CACNA1E: variants seen among roughly 807,000 people sequenced by gnomAD.
CACNA1E encodes voltage-dependent R-type calcium channel subunit alpha-1E.
Under a neutral mutation model 259.2 loss-of-function variants are expected in CACNA1E, and 40 were observed. The observed-to-expected ratio is 0.15, with a 90% confidence interval of 0.12 to 0.20. CACNA1E has a LOEUF of 0.20. Among genes scored for constraint, CACNA1E ranks in the 10% least tolerant of loss-of-function variants. CACNA1E has a pLI of 1.00. For missense variants in CACNA1E, 1,874 were observed against 3,040.1 expected (o/e 0.62, Z 9.02); for synonymous variants, 1,104 against 1,138.5 (o/e 0.97, Z 0.61).
At chr1:181,339,879 G>C (rs1366862932) in intron 1 of CACNA1E, among the ~76,000 whole-genome samples, 1 of 152,010 alleles carries the variant, frequency 6.6e-6, no homozygotes, top group Non-Finnish European at 1.5e-5. Context: ...TTCAGAAAAT[G>C]TTTTTGTAGT....
chr1:181,444,396 G>T (rs1473437335), intron 2 of CACNA1E, among the ~76,000 whole-genome samples: 1 of 152,072 alleles, frequency 6.6e-6, no homozygotes, highest in Non-Finnish European at 1.5e-5. Context: ...AGGTAAAAGA[G>T]AGGGTGTAAG....
At chr1:181,524,393 A>G (rs1667204254) in intron 3 of CACNA1E, among the ~76,000 whole-genome samples, 1 of 152,248 alleles carries the variant, frequency 6.6e-6, no homozygotes, top group Non-Finnish European at 1.5e-5. Flanking sequence ...AGCTTGTTCC[A>G]GGTTGGCTGG....
intron 1 of CACNA1E, among the ~76,000 whole-genome samples, chr1:181,344,129 C>T (rs989109553): frequency 2.0e-5 from 3 of 152,162 alleles, no homozygotes; most frequent in Non-Finnish European, 4.4e-5. Flanking sequence ...TAGCAGTCAC[C>T]CCACTGCTCT....
intron 1 of CACNA1E, among the ~76,000 whole-genome samples, chr1:181,384,557 C>T (rs984698710): frequency 1.3e-5 from 2 of 152,194 alleles, no homozygotes; most frequent in Non-Finnish European, 2.9e-5. Flanking sequence ...AGGCAAGTTA[C>T]ATTTCTTCTC....
chr1:181,318,712 C>T (rs2102550030), intron 1 of CACNA1E, among the ~76,000 whole-genome samples: 1 of 152,294 alleles, frequency 6.6e-6, no homozygotes. Flanking sequence ...GTGAAGGAAA[C>T]TGCATGTGCC....
chr1:181,738,485 C>T lies in CACNA1E; in HGVS notation c.3612+59C>T, dbSNP rs1656264939. On this transcript the variant is annotated intron_variant, in intron 24 of 47. Coordinates refer to ENST00000367573, the MANE Select transcript of CACNA1E (RefSeq NM_001205293.3). ...GTTTAGATGGGTCACCTGTCTGCTC[C>T]TTAGGCTAGAGCCCTTCCTCAGTGT... 6.6e-6 allele frequency: 9 copies of T among 1,362,028 alleles called. No individual in the cohort carries two copies. The African/African-American group carries it at 8.6e-5, about 13-fold the overall frequency. 84.4% of individuals were successfully genotyped at this position (1,362,028 alleles called of 1,614,324 possible).
At chr1:181,672,421 A>G (rs1366546789) in intron 7 of CACNA1E, among the ~76,000 whole-genome samples, 1 of 152,250 alleles carries the variant, frequency 6.6e-6, no homozygotes, top group African/African-American at 2.4e-5. Flanking sequence ...CTAGTGGGGA[A>G]AGTTGCCCTA....
intron 6 of CACNA1E, among the ~76,000 whole-genome samples, chr1:181,644,150 T>C (rs534654714): frequency 6.6e-6 from 1 of 152,346 alleles, no homozygotes; most frequent in South Asian, 2.1e-4. Context: ...TAGTGGTGAC[T>C]GTCCTATCTG....
Position 181,652,262 on chromosome 1 carries a change from G to A in CACNA1E, c.1055+821G>A, listed in dbSNP as rs573080903. On this transcript the variant is annotated intron_variant, in intron 7 of 47. Coordinates refer to ENST00000367573, the MANE Select transcript of CACNA1E (RefSeq NM_001205293.3). ...TGTAACATCTTAGGAGAGCTGAGAC[G>A]GGGATATATTTTAGAGATTCTTATA... Among the ~76,000 whole-genome samples the A allele has an allele frequency of 3.3e-5, 5 of 152,270 alleles. No homozygotes were observed. In the South Asian group the frequency reaches 1.0e-3, roughly 32 times the overall value.
At chr1:181,482,061 G>A (rs116168110), upstream of CACNA1E, among the ~76,000 whole-genome samples, 1,031 of 152,334 alleles carry the variant, frequency 6.8e-3, 10 homozygotes, top group African/African-American at 0.021. Context: ...CCAGGAGCCA[G>A]CACCACCAGC....
At chr1:181,790,064 G>A (rs1661165524) in intron 43 of CACNA1E, among the ~76,000 whole-genome samples, 1 of 152,120 alleles carries the variant, frequency 6.6e-6, no homozygotes, top group African/African-American at 2.4e-5. Flanking sequence ...AAAAGTCCAT[G>A]GCTGCTTAAT....
chr1:181,731,263 T>A (rs377460137), intron 19 of CACNA1E, 32 bp downstream of exon 19: 41 of 1,564,124 alleles, frequency 2.6e-5, no homozygotes, highest in Non-Finnish European at 3.4e-5. Context: ...TGTTTGTGAG[T>A]GGTTACGTGT....
intron 7 of CACNA1E, among the ~76,000 whole-genome samples, chr1:181,706,111 T>G (rs1652770903): frequency 6.6e-6 from 1 of 152,150 alleles, no homozygotes; most frequent in South Asian, 2.1e-4. Flanking sequence ...CAAGGGGCCT[T>G]AGGGAATATG....
chr1:181,774,597 T>C (rs1659808088), intron 37 of CACNA1E, among the ~76,000 whole-genome samples: 1 of 152,216 alleles, frequency 6.6e-6, no homozygotes, highest in African/African-American at 2.4e-5. Context: ...CTCATCCTCA[T>C]GGAAGAGAAG....
Position 181,686,578 on chromosome 1 carries a change from C to T in CACNA1E, c.1056-24376C>T, listed in dbSNP as rs138972470. Among the ~76,000 whole-genome samples, 480 of 152,250 alleles carry T rather than the reference C, an allele frequency of 3.2e-3. 1 individual carries two copies. Among genetic ancestry groups the T allele is most frequent in the African/African-American group, 6.9e-3 (288 of 41,550 alleles). On this transcript the variant is annotated intron_variant, in intron 7 of 47. Transcript: ENST00000367573. ...CTGGGATTACAGGTGTGAGCCACTG[C>T]GCCTGGCCAGAGCCAAGTTTTTTAA...
chr1:181,753,992 C>A (rs116790578), intron 27 of CACNA1E, among the ~76,000 whole-genome samples: 1,780 of 152,296 alleles, frequency 0.012, 32 homozygotes, highest in African/African-American at 0.039. Context: ...GCCTTCCCCC[C>A]TGGAGGAAGC....
chr1:181,693,447 A>C (rs1367330499), intron 7 of CACNA1E, among the ~76,000 whole-genome samples: 1 of 152,232 alleles, frequency 6.6e-6, no homozygotes. Flanking sequence ...AATGTGGTAC[A>C]TATACACCAT....
At chr1:181,743,836 T>C (rs1341141397) in intron 25 of CACNA1E, among the ~76,000 whole-genome samples, 1 of 152,236 alleles carries the variant, frequency 6.6e-6, no homozygotes, top group East Asian at 1.9e-4. Context: ...CAGCTTATAA[T>C]TGATCGTCAG....
At position 181,460,546 on chromosome 1, in the gene CACNA1E, TAG is replaced by T. The variant is rs201964582; in HGVS notation, c.435-23192_435-23191del. The stretch of plus-strand genomic sequence containing the variant: ...AAGGACCTTCATCACCTGTTGAACA[TAG>T]AGAGACTTCAGCTGGGGAGAACTGA... On this transcript the variant is annotated intron_variant, in intron 2 of 11. Coordinates refer to the CACNA1E transcript ENST00000524607. Among the ~76,000 whole-genome samples the T allele has an allele frequency of 1.2e-4, 19 of 152,324 alleles. No homozygotes were observed. In the East Asian group the frequency reaches 3.5e-3, roughly 28 times the overall value.
Sources: gnomAD v4.1 joint callset for allele counts (sites outside exome capture counted in the v4.1 genomes callset) on GRCh38, gnomAD v4.1.1 for gene constraint, MANE v1.5 for transcripts, NCBI Gene and HGNC (gene_info 2026-07-23, HGNC 2026-07-21) for gene names.